ANKRD30B: variants seen among roughly 807,000 people sequenced by gnomAD.
ANKRD30B encodes the protein ankyrin repeat domain-containing protein 30B.
ANKRD30B carries 144 observed loss-of-function variants against 202.2 expected under a neutral mutation model. That is an observed-to-expected ratio of 0.71 (90% CI 0.62 to 0.82). The LOEUF (loss-of-function observed/expected upper bound fraction) is 0.82, where lower values mean the gene tolerates loss of function less well. Among genes scored for constraint, ANKRD30B ranks in the 40% least tolerant of loss-of-function variants. ANKRD30B has a pLI of 0.00. For synonymous variants in ANKRD30B, 508 were observed against 561.3 expected (o/e 0.91, Z 1.34); for missense variants, 1,487 against 1,669.1 (o/e 0.89, Z 1.90).
At chr18:14,785,637 G>A (rs1451827550) in intron 14 of ANKRD30B, among the ~76,000 whole-genome samples, 6 of 152,150 alleles carry the variant, frequency 3.9e-5, no homozygotes, top group Admixed American at 1.3e-4. Flanking sequence ...GTGGCAACAC[G>A]TAAGATCTCT....
At chr18:14,827,598 A>C (rs2038700575) in intron 32 of ANKRD30B, among the ~76,000 whole-genome samples, 1 of 152,134 alleles carries the variant, frequency 6.6e-6, no homozygotes, top group Non-Finnish European at 1.5e-5. Flanking sequence ...TTCTGTTTTA[A>C]TGATTTTGGT....
the ANKRD30B span, among the ~76,000 whole-genome samples, chr18:14,913,235 G>C: frequency 2.2e-4 from 33 of 152,270 alleles, no homozygotes; most frequent in African/African-American, 7.2e-4. Context: ...AGTTACCCAG[G>C]GTTAGCTATT....
At chr18:14,925,573 TAGGTTTTGTGGGCA>T in the ANKRD30B span, among the ~76,000 whole-genome samples, 1 of 152,220 alleles carries the variant, frequency 6.6e-6, no homozygotes. Flanking sequence ...GGTAGCAGGC[TAGGTTTTGTGGGCA>T]AGGCCCACAG....
intron 37 of ANKRD30B, among the ~76,000 whole-genome samples, chr18:14,841,553 A>C (rs1971421291): frequency 6.6e-6 from 1 of 152,190 alleles, no homozygotes; most frequent in East Asian, 1.9e-4. Flanking sequence ...AGAAATAGTA[A>C]TTACAGATGT....
At chr18:14,753,847 G>A (rs1017694123) in intron 3 of ANKRD30B, among the ~76,000 whole-genome samples, 2 of 151,996 alleles carry the variant, frequency 1.3e-5, no homozygotes, top group South Asian at 2.1e-4. Flanking sequence ...TGATTTAGGG[G>A]CTTCTGTTAT....
At chr18:14,898,673 C>T in the ANKRD30B span, among the ~76,000 whole-genome samples, 1 of 152,048 alleles carries the variant, frequency 6.6e-6, no homozygotes, top group Non-Finnish European at 1.5e-5. Context: ...TCTTTTGTCC[C>T]ATTGATTTAC....
chr18:14,837,515 A>G (rs1971230972), intron 35 of ANKRD30B, 100 bp from the exon 36 acceptor site: 1 of 1,057,550 alleles, frequency 9.5e-7, no homozygotes, highest in South Asian at 1.9e-5. Context: ...TATTATTTTT[A>G]TTTTTGAAAT....
intron 30 of ANKRD30B, among the ~76,000 whole-genome samples, chr18:14,815,702 A>T (rs188781540): frequency 6.6e-6 from 1 of 152,352 alleles, no homozygotes; most frequent in Non-Finnish European, 1.5e-5. Flanking sequence ...GTTCTTATTC[A>T]TAGGTATTAT....
At chr18:14,789,381 G>C (rs1968312075) in intron 15 of ANKRD30B, among the ~76,000 whole-genome samples, 1 of 152,102 alleles carries the variant, frequency 6.6e-6, no homozygotes, top group African/African-American at 2.4e-5. Context: ...CTGTGCAGAA[G>C]CTCTTTAGTT....
At chr18:14,934,391 C>T in the ANKRD30B span, among the ~76,000 whole-genome samples, 1 of 152,224 alleles carries the variant, frequency 6.6e-6, no homozygotes, top group African/African-American at 2.4e-5. Flanking sequence ...AGCAGTGACA[C>T]TTGCTACCCG....
the ANKRD30B span, among the ~76,000 whole-genome samples, chr18:14,934,050 C>A: frequency 6.6e-6 from 1 of 152,218 alleles, no homozygotes; most frequent in Non-Finnish European, 1.5e-5. Flanking sequence ...CCTCTGGAGC[C>A]CTCTCTGCTT....
the ANKRD30B span, among the ~76,000 whole-genome samples, chr18:14,896,136 A>ATTT: frequency 7.1e-6 from 1 of 140,692 alleles, no homozygotes; most frequent in African/African-American, 2.6e-5. Context: ...TTATCTGCTC[A>ATTT]TTTTTTTTTT....
the ANKRD30B span, among the ~76,000 whole-genome samples, chr18:14,869,200 A>G: frequency 2.6e-5 from 4 of 152,120 alleles, no homozygotes; most frequent in Non-Finnish European, 5.9e-5. Context: ...AGGGTTGAAA[A>G]CACTAGGATT....
the ANKRD30B span, among the ~76,000 whole-genome samples, chr18:14,880,675 C>G: frequency 3.3e-5 from 5 of 149,982 alleles, no homozygotes; most frequent in East Asian, 1.0e-3. Context: ...AAGTGATTCT[C>G]CTGCCTCAGC....
intron 4 of ANKRD30B, among the ~76,000 whole-genome samples, chr18:14,756,501 T>C (rs1914391644): frequency 6.6e-6 from 1 of 152,214 alleles, no homozygotes; most frequent in Non-Finnish European, 1.5e-5. Context: ...CTGAATGGTA[T>C]TGCCTAGGTT....
chr18:14,854,890 T>A (rs1196109502), downstream of ANKRD30B, among the ~76,000 whole-genome samples: 1 of 146,566 alleles, frequency 6.8e-6, no homozygotes, highest in African/African-American at 2.5e-5. Flanking sequence ...CGCTCTACCC[T>A]TGGGGTGATG....
At chr18:14,776,133 CA>C (rs1227141521) in intron 9 of ANKRD30B, among the ~76,000 whole-genome samples, 1 of 152,134 alleles carries the variant, frequency 6.6e-6, no homozygotes, top group African/African-American at 2.4e-5. Context: ...GCTACTACTG[CA>C]GATTTTCCAT....
At chr18:14,766,929 G>A (rs1354829013) in intron 7 of ANKRD30B, among the ~76,000 whole-genome samples, 1 of 152,164 alleles carries the variant, frequency 6.6e-6, no homozygotes, top group African/African-American at 2.4e-5. Context: ...TAACTTACAA[G>A]TTCTTCAGTG....
At chr18:14,901,595 T>C in the ANKRD30B span, among the ~76,000 whole-genome samples, 1 of 151,954 alleles carries the variant, frequency 6.6e-6, no homozygotes, top group African/African-American at 2.4e-5. Context: ...TATTTACAGC[T>C]TACAGCAATT....
Sources: gnomAD v4.1 joint callset for allele counts (sites outside exome capture counted in the v4.1 genomes callset) on GRCh38, gnomAD v4.1.1 for gene constraint, MANE v1.5 for transcripts, NCBI Gene and HGNC (gene_info 2026-07-23, HGNC 2026-07-21) for gene names.